SUGCT: variants seen among roughly 807,000 people sequenced by gnomAD.
SUGCT encodes the protein succinyl-CoA:glutarate-CoA transferase.
Under a neutral mutation model 55.0 loss-of-function variants are expected in SUGCT, and 41 were observed. The ratio of observed to expected loss-of-function variants is 0.74; its 90% confidence interval spans 0.58 to 0.97. The LOEUF (loss-of-function observed/expected upper bound fraction) is 0.97. SUGCT is among the 50% of genes least tolerant of loss of function. SUGCT has a pLI of 0.00. For missense variants in SUGCT, 568 were observed against 547.8 expected (o/e 1.04, Z -0.37); for synonymous variants, 187 against 200.4 (o/e 0.93, Z 0.56).
intron 12 of SUGCT, among the ~76,000 whole-genome samples, chr7:40,659,056 C>G (rs1801174100): frequency 6.6e-6 from 1 of 152,156 alleles, no homozygotes; most frequent in African/African-American, 2.4e-5. Flanking sequence ...TGGGAGCAGT[C>G]ACTAGTCTCT....
chr7:40,368,402 G>C (rs1784121051), intron 9 of SUGCT, among the ~76,000 whole-genome samples: 7 of 151,886 alleles, frequency 4.6e-5, no homozygotes, highest in Admixed American at 4.6e-4. Flanking sequence ...TTTCACTGTG[G>C]TGGCCAGACT....
At chr7:40,394,513 A>G (rs1785613418) in intron 9 of SUGCT, among the ~76,000 whole-genome samples, 1 of 152,228 alleles carries the variant, frequency 6.6e-6, no homozygotes, top group East Asian at 1.9e-4. Context: ...GTGCAACATG[A>G]TGTTATGAAA....
chr7:40,585,765 G>A (rs1420800443), intron 12 of SUGCT, among the ~76,000 whole-genome samples: 1 of 151,922 alleles, frequency 6.6e-6, no homozygotes, highest in African/African-American at 2.4e-5. Flanking sequence ...CTGTGGTCCC[G>A]ACCTCCCAGG....
chr7:40,854,402 TCTTTCTTTCTTTCTTTC>T (rs1171990284), intron 13 of SUGCT, among the ~76,000 whole-genome samples: 4,204 of 107,706 alleles, frequency 0.039, 147 homozygotes, highest in East Asian at 0.19. Context: ...TTTTTTTCTT[TCTTTCTTTCTTTCTTTC>T]CTTTCTTTCT....
intron 13 of SUGCT, among the ~76,000 whole-genome samples, chr7:40,759,515 T>A (rs549077820): frequency 1.3e-5 from 2 of 152,296 alleles, no homozygotes; most frequent in African/African-American, 2.4e-5. Context: ...TTAATGTTGC[T>A]ATACCAACCA....
At chr7:40,461,675 C>T (rs534739220) in intron 11 of SUGCT, among the ~76,000 whole-genome samples, 7 of 152,266 alleles carry the variant, frequency 4.6e-5, no homozygotes, top group African/African-American at 1.2e-4. Flanking sequence ...TCAACATTCT[C>T]GTCTTGCTCA....
intron 7 of SUGCT, among the ~76,000 whole-genome samples, chr7:40,261,728 G>A (rs1003262303): frequency 6.6e-6 from 1 of 152,152 alleles, no homozygotes; most frequent in African/African-American, 2.4e-5. Flanking sequence ...GAGTTCAGAG[G>A]ATGCCTATTA....
chr7:40,975,252 AG>A, the SUGCT span, among the ~76,000 whole-genome samples: 183 of 152,282 alleles, frequency 1.2e-3, 1 homozygote, highest in African/African-American at 4.3e-3. Flanking sequence ...TAAAGGAGGA[AG>A]GGTTTGGAAG....
chr7:40,175,642 T>G (rs1437199930), intron 1 of SUGCT, among the ~76,000 whole-genome samples: 2 of 152,030 alleles, frequency 1.3e-5, no homozygotes, highest in South Asian at 4.2e-4. Flanking sequence ...CAATGTATTT[T>G]CTCCATAAGG....
chr7:40,980,215 A>T, the SUGCT span, among the ~76,000 whole-genome samples: 1 of 152,126 alleles, frequency 6.6e-6, no homozygotes, highest in African/African-American at 2.4e-5. Context: ...CACTAATCCC[A>T]TCATGAGAGC....
intron 13 of SUGCT, among the ~76,000 whole-genome samples, chr7:40,798,172 AT>A (rs1790640014): frequency 6.6e-6 from 1 of 152,204 alleles, no homozygotes; most frequent in East Asian, 1.9e-4. Flanking sequence ...TATTATAGTA[AT>A]AATTTGATAT....
intron 10 of SUGCT, among the ~76,000 whole-genome samples, chr7:40,455,870 CAT>C (rs1325417732): frequency 6.6e-6 from 1 of 152,172 alleles, no homozygotes; most frequent in African/African-American, 2.4e-5. Flanking sequence ...TTAAACTTAA[CAT>C]GTGTTGTGCC....
intron 6 of SUGCT, among the ~76,000 whole-genome samples, chr7:40,206,456 G>A (rs1786980752): frequency 6.6e-6 from 1 of 152,190 alleles, no homozygotes; most frequent in African/African-American, 2.4e-5. Flanking sequence ...AACCTGGAAA[G>A]ATCAGGGATT....
At position 40,459,207 on chromosome 7, in the gene SUGCT, G is replaced by T; in HGVS notation, c.986+9G>T. 1.3e-6 allele frequency: 2 copies of T among 1,529,372 alleles called. No homozygotes were observed. The highest frequency in any genetic ancestry group is 1.8e-6 in the Non-Finnish European group (2 of 1,107,704). The allele number at this position is 1,529,372 out of a possible 1,614,324, so 94.7% of individuals were successfully genotyped here. On this transcript the variant is annotated intron_variant, in intron 11 of 13. Coordinates refer to ENST00000335693, the MANE Select transcript of SUGCT (RefSeq NM_001193313.2). ...AAAATATTATCTGAACGGTAAGTTTGGATGTTGTATTCATCCATTTAAGAA... is the reference window on the plus strand; with the variant it reads ...AAAATATTATCTGAACGGTAAGTTTTGATGTTGTATTCATCCATTTAAGAA...
intron 9 of SUGCT, among the ~76,000 whole-genome samples, chr7:40,342,785 G>A (rs984267623): frequency 3.3e-5 from 5 of 152,102 alleles, no homozygotes; most frequent in Non-Finnish European, 7.3e-5. Flanking sequence ...TGGGATTACA[G>A]GCGCCTGCCC....
intron 12 of SUGCT, chr7:40,683,910 G>C: frequency 8.5e-7 from 1 of 1,172,326 alleles, no homozygotes; most frequent in Non-Finnish European, 1.2e-6. Context: ...GTCTCACCAG[G>C]CTAAAATCAA....
intron 12 of SUGCT, among the ~76,000 whole-genome samples, chr7:40,679,418 C>T (rs1426181439): frequency 6.6e-6 from 1 of 152,114 alleles, no homozygotes; most frequent in Non-Finnish European, 1.5e-5. Flanking sequence ...CTTGCAGATA[C>T]ATTACTGATC....
intron 12 of SUGCT, among the ~76,000 whole-genome samples, chr7:40,742,568 C>G (rs949088482): frequency 2.0e-5 from 3 of 152,136 alleles, no homozygotes; most frequent in Non-Finnish European, 2.9e-5. Flanking sequence ...GGAGCTCAAG[C>G]TGTAATGCTC....
chr7:40,905,842 C>T, the SUGCT span, among the ~76,000 whole-genome samples: 1 of 151,940 alleles, frequency 6.6e-6, no homozygotes, highest in Admixed American at 6.6e-5. Flanking sequence ...TCTCAGCCTC[C>T]CAAGTAGTTG....
Sources: allele counts gnomAD v4.1 joint callset (sites outside exome capture counted in the v4.1 genomes callset), GRCh38; gene constraint gnomAD v4.1.1; transcripts MANE v1.5; gene names NCBI Gene and HGNC (gene_info 2026-07-23, HGNC 2026-07-21).